The following DIAPH2 variants were observed in gnomAD, a reference collection of about 807,000 sequenced individuals.
DIAPH2 encodes diaphanous related formin 2, also known as protein diaphanous homolog 2.
A neutral mutation model predicts 92.7 loss-of-function variants in DIAPH2; 35 were observed. The observed-to-expected ratio is 0.38, with a 90% CI of 0.29 to 0.50. The LOEUF is 0.50. Ranked by LOEUF, DIAPH2 falls within the 20% of genes least tolerant of loss-of-function variation. The pLI, the probability that DIAPH2 is intolerant of heterozygous loss-of-function variation, is 0.94. For missense variants in DIAPH2, 701 were observed against 819.5 expected, an observed-to-expected ratio of 0.86 and a Z score of 1.77; for synonymous variants, 301 against 280.4, an observed-to-expected ratio of 1.07 and a Z score of -0.73.
rs759165214 is a variant in DIAPH2, at chrX:97,165,175, CAG to C, written c.2719+23384_2719+23385del. Among the ~76,000 whole-genome samples, 11 of 111,302 alleles carry C rather than the reference CAG, an allele frequency of 9.9e-5. No homozygotes were observed. In the East Asian group the frequency reaches 3.1e-3, roughly 32 times the overall value. Reference sequence around the variant, plus strand: ...TAGACTTAATATGCTAGGAAAGAAACAGAGTGGATACAATAATGGGTAATAAT... The same window carrying C: ...TAGACTTAATATGCTAGGAAAGAAACAGTGGATACAATAATGGGTAATAAT... On this transcript the variant is annotated intron_variant, in intron 22 of 26. Coordinates refer to ENST00000324765, the MANE Select transcript of DIAPH2 (RefSeq NM_006729.5).
intron 23 of DIAPH2, among the ~76,000 whole-genome samples, chrX:97,296,165 C>T (rs2068641624): frequency 9.0e-6 from 1 of 111,686 alleles, no homozygotes. Flanking sequence ...CTACCTCCCT[C>T]CAGTCCATTT....
intron 23 of DIAPH2, among the ~76,000 whole-genome samples, chrX:97,290,801 C>T (rs1040442911): frequency 8.9e-6 from 1 of 111,832 alleles, no homozygotes; most frequent in African/African-American, 3.2e-5. Context: ...CTGTCTTGGC[C>T]GGGCTGGTCA....
chrX:97,416,807 A>C (rs773530656), intron 25 of DIAPH2, among the ~76,000 whole-genome samples: 1 of 112,167 alleles, frequency 8.9e-6, no homozygotes, highest in Non-Finnish European at 1.9e-5. Flanking sequence ...CAAGCCATAT[A>C]ACATGTTTAT....
intron 23 of DIAPH2, among the ~76,000 whole-genome samples, chrX:97,264,374 C>T (rs775334342): frequency 1.8e-5 from 2 of 111,316 alleles, no homozygotes; most frequent in East Asian, 5.6e-4. Flanking sequence ...TCTTTCTCAT[C>T]GTTTTCAGTC....
chrX:96,996,117 T>C (rs2066103546), intron 17 of DIAPH2, among the ~76,000 whole-genome samples: 1 of 111,989 alleles, frequency 8.9e-6, no homozygotes, highest in Middle Eastern at 4.7e-3. Flanking sequence ...AAGCAGTTCT[T>C]TTGAAAGTTA....
chrX:96,814,985 G>T (rs934239092), intron 4 of DIAPH2, among the ~76,000 whole-genome samples: 1 of 112,196 alleles, frequency 8.9e-6, no homozygotes, highest in African/African-American at 3.2e-5. Context: ...CTACACGGGG[G>T]TCAGGGACCC....
chrX:97,546,312 T>C (rs1371388915), intron 26 of DIAPH2, among the ~76,000 whole-genome samples: 3 of 111,667 alleles, frequency 2.7e-5, no homozygotes, highest in African/African-American at 6.5e-5. Flanking sequence ...AATTTTCAGT[T>C]TTCATCTTTC....
At chrX:96,715,998 C>A (rs2063948064) in intron 1 of DIAPH2, among the ~76,000 whole-genome samples, 1 of 109,621 alleles carries the variant, frequency 9.1e-6, no homozygotes, top group African/African-American at 3.3e-5. Flanking sequence ...TCCTCTGGAC[C>A]AGGTCAACCA....
intron 4 of DIAPH2, among the ~76,000 whole-genome samples, chrX:96,870,605 A>C (rs912309672): frequency 9.1e-6 from 1 of 110,317 alleles, no homozygotes; most frequent in Non-Finnish European, 1.9e-5. Context: ...TGTGACAATT[A>C]GTTACATTTC....
intron 24 of DIAPH2, among the ~76,000 whole-genome samples, chrX:97,358,207 G>T (rs2147702117): frequency 8.9e-6 from 1 of 111,956 alleles, no homozygotes; most frequent in South Asian, 3.7e-4. Flanking sequence ...ATTATCTAGG[G>T]CAAAAGCAAC....
chrX:96,964,909 T>A lies in DIAPH2; in HGVS notation c.1936-184T>A, dbSNP rs186929989. 5.9e-3 allele frequency among the ~76,000 whole-genome samples: 659 copies of A among 111,804 alleles called. 3 individuals carry two copies. The highest frequency in any genetic ancestry group is 9.2e-3 in the Non-Finnish European group (486 of 53,037). ...TCTATTTCTATTGTTCACCATTTCG[T>A]CACATAATTCTGAATTTCCCAATGA... On this transcript the variant is annotated intron_variant, in intron 16 of 26. Transcript: ENST00000324765.
At chrX:97,490,232 T>A (rs2070716402) in intron 26 of DIAPH2, among the ~76,000 whole-genome samples, 1 of 111,172 alleles carries the variant, frequency 9.0e-6, no homozygotes, top group South Asian at 3.8e-4. Context: ...CTTCTGATCC[T>A]GTTTATTTCT....
intron 1 of DIAPH2, among the ~76,000 whole-genome samples, chrX:96,714,920 G>A (rs2147540290): frequency 9.0e-6 from 1 of 111,568 alleles, no homozygotes; most frequent in Non-Finnish European, 1.9e-5. Flanking sequence ...CCCATTTTTT[G>A]TATATATGTG....
Position 97,344,756 on chromosome X carries a change from A to G in DIAPH2, c.2845-3360A>G, listed in dbSNP as rs766943272. On this transcript the variant is annotated intron_variant, in intron 23 of 26. Coordinates refer to ENST00000324765, the MANE Select transcript of DIAPH2 (RefSeq NM_006729.5). ...TGTTCTATAAGAACAAATTTATGAA[A>G]TTCGGTATCACTACATGGACATGTT... Among the ~76,000 whole-genome samples the G allele has an allele frequency of 7.1e-5, 8 of 112,552 alleles. No individual in the cohort carries two copies. In the East Asian group the frequency reaches 1.7e-3, roughly 23 times the overall value.
chrX:96,944,688 ATGT>A (rs1470347502), intron 13 of DIAPH2, among the ~76,000 whole-genome samples: 1 of 111,690 alleles, frequency 9.0e-6, no homozygotes, highest in Non-Finnish European at 1.9e-5. Context: ...AGATTCATTC[ATGT>A]TGTTGTATTG....
intron 9 of DIAPH2, among the ~76,000 whole-genome samples, chrX:96,927,462 ATC>A (rs1235793832): frequency 9.1e-6 from 1 of 109,900 alleles, no homozygotes; most frequent in Non-Finnish European, 1.9e-5. Context: ...ATTAGGCCAG[ATC>A]TCTTTTTTTC....
chrX:97,089,095 G>A (rs772521602), intron 19 of DIAPH2, among the ~76,000 whole-genome samples: 34 of 112,143 alleles, frequency 3.0e-4, no homozygotes, highest in Non-Finnish European at 6.2e-4. Flanking sequence ...TTTTCCGTCA[G>A]TGATGAGTAG....
chrX:97,524,206 G>T (rs1001490810), intron 26 of DIAPH2, among the ~76,000 whole-genome samples: 1 of 111,945 alleles, frequency 8.9e-6, no homozygotes, highest in African/African-American at 3.2e-5. Context: ...AGACTCTCCA[G>T]TGCCTAGAAC....
chrX:97,320,274 C>T (rs2068880859), intron 23 of DIAPH2, among the ~76,000 whole-genome samples: 1 of 109,764 alleles, frequency 9.1e-6, no homozygotes, highest in African/African-American at 3.3e-5. Flanking sequence ...AATGGTTAAA[C>T]AGCATAAAGG....
Sources: allele counts gnomAD v4.1 joint callset (sites outside exome capture counted in the v4.1 genomes callset), GRCh38; gene constraint gnomAD v4.1.1; transcripts MANE v1.5; gene names NCBI Gene and HGNC (gene_info 2026-07-23, HGNC 2026-07-21).